The following AJAP1 variants were observed in gnomAD, a reference collection of about 807,000 sequenced individuals.
AJAP1 encodes adherens junctions associated protein 1.
In AJAP1, 5 loss-of-function variants were observed where a neutral mutation model predicts 35.0. That is an observed-to-expected ratio of 0.14 (90% CI 0.07 to 0.30). The LOEUF (loss-of-function observed/expected upper bound fraction) is 0.30. Among genes scored for constraint, AJAP1 ranks in the 10% least tolerant of loss-of-function variants. The pLI is 1.00. For missense variants in AJAP1, 586 were observed against 571.0 expected (o/e 1.03, Z -0.27); for synonymous variants, 284 against 249.3 (o/e 1.14, Z -1.31).
chr1:4,707,877 TCTC>T (rs888414524), intron 1 of AJAP1, among the ~76,000 whole-genome samples: 1 of 151,720 alleles, frequency 6.6e-6, no homozygotes, highest in African/African-American at 2.4e-5. Flanking sequence ...ATACTAGGTC[TCTC>T]ATCTCCTCGT....
rs943912330 is a variant in AJAP1, at chr1:4,785,033, C to G, written c.*2548C>G. The G allele has an allele frequency of 6.6e-6, 1 of 152,378 alleles. No individual in the cohort carries two copies. Among genetic ancestry groups the G allele is most frequent in the South Asian group, 2.1e-4 (1 of 4,820 alleles). 9.4% of individuals were successfully genotyped at this position (152,378 alleles called of 1,614,324 possible). A position where few individuals can be genotyped will look rare whatever the true frequency, so the allele number is the denominator to read the frequency against. The stretch of plus-strand genomic sequence containing the variant: ...GCCCAACTAAGGAGGAGGTGACGGC[C>G]GGGGGGCCCTGTTGGTTCGCTGATC... On this transcript the variant is annotated 3_prime_UTR_variant, in exon 6 of 6. Transcript: ENST00000378191.
At chr1:4,666,219 G>A (rs942553570) in intron 1 of AJAP1, among the ~76,000 whole-genome samples, 16 of 152,112 alleles carry the variant, frequency 1.1e-4, no homozygotes, top group African/African-American at 2.2e-4. Flanking sequence ...GGGGCACCCC[G>A]CAGTGAAATA....
intron 1 of AJAP1, among the ~76,000 whole-genome samples, chr1:4,691,576 G>A (rs913280411): frequency 3.3e-5 from 5 of 152,310 alleles, no homozygotes; most frequent in Admixed American, 3.3e-4. Context: ...AAAAGCCCTG[G>A]TGCTGGAGGA....
chr1:4,699,167 C>T (rs368500604), intron 1 of AJAP1, among the ~76,000 whole-genome samples: 2 of 152,160 alleles, frequency 1.3e-5, no homozygotes, highest in Non-Finnish European at 2.9e-5. Flanking sequence ...TGAGTGGGCC[C>T]GCTGGGAAGC....
intron 1 of AJAP1, among the ~76,000 whole-genome samples, chr1:4,706,430 T>G (rs1442694554): frequency 2.6e-5 from 4 of 152,184 alleles, no homozygotes. Context: ...CCAAGCTAAC[T>G]TCCCCATCAA....
intron 1 of AJAP1, among the ~76,000 whole-genome samples, chr1:4,682,243 G>A (rs1447048069): frequency 2.0e-5 from 3 of 152,152 alleles, no homozygotes; most frequent in African/African-American, 4.8e-5. Context: ...GCCCATCGAT[G>A]GTCTTCATAT....
chr1:4,769,789 C>A, intron 2 of AJAP1, 64 bp from the exon 3 acceptor site: 1 of 1,430,504 alleles, frequency 7.0e-7, no homozygotes, highest in Non-Finnish European at 9.9e-7. Flanking sequence ...CCACCTTTCC[C>A]GGCCCCCCTC....
Position 4,711,999 on chromosome 1 carries a change from C to T in AJAP1, c.129C>T (p.Ala43=). Residue 43 remains alanine (A), a synonymous_variant, in exon 2 of 6, where the codon GCC becomes GCT. Transcript: ENST00000378191. ...QLAVDLPACE[A]LGPGPEFWLL... is the part of the protein sequence containing the mutation. Reference sequence around the variant, plus strand: ...CCGTGGACCTGCCCGCCTGTGAGGCCCTGGGCCCGGGGCCGGAGTTCTGGC... The same window carrying T: ...CCGTGGACCTGCCCGCCTGTGAGGCTCTGGGCCCGGGGCCGGAGTTCTGGC... 1.9e-6 allele frequency: 3 copies of T among 1,595,086 alleles called. No homozygotes were observed. The highest frequency in any genetic ancestry group is 1.7e-6 in the Non-Finnish European group (2 of 1,173,918).
intron 2 of AJAP1, among the ~76,000 whole-genome samples, chr1:4,728,617 C>G (rs1273812562): frequency 1.3e-5 from 2 of 152,200 alleles, no homozygotes; most frequent in Non-Finnish European, 2.9e-5. Flanking sequence ...CCTGAATAAC[C>G]CTGTGCTCCG....
intron 1 of AJAP1, among the ~76,000 whole-genome samples, chr1:4,665,625 C>T (rs1226670499): frequency 6.6e-6 from 1 of 152,212 alleles, no homozygotes; most frequent in Non-Finnish European, 1.5e-5. Flanking sequence ...CGCAAGTGGT[C>T]CCCCGAGAGT....
intron 1 of AJAP1, among the ~76,000 whole-genome samples, chr1:4,689,095 C>T (rs987735478): frequency 6.6e-6 from 1 of 152,090 alleles, no homozygotes; most frequent in African/African-American, 2.4e-5. Flanking sequence ...GGGACCGTAG[C>T]CTGCGGCTTC....
chr1:4,757,469 T>G (rs532670553), intron 2 of AJAP1, among the ~76,000 whole-genome samples: 33 of 152,304 alleles, frequency 2.2e-4, no homozygotes, highest in Middle Eastern at 6.8e-3. Flanking sequence ...GCCAGCCTCA[T>G]GCACCACCTT....
At chr1:4,761,720 C>A (rs761337282) in intron 2 of AJAP1, among the ~76,000 whole-genome samples, 6 of 152,200 alleles carry the variant, frequency 3.9e-5, no homozygotes, top group Admixed American at 6.5e-5. Flanking sequence ...GGAAGCCAGT[C>A]TGAGTCCAAA....
At chr1:4,664,139 CCAGGCCACA>C (rs1639064266) in intron 1 of AJAP1, among the ~76,000 whole-genome samples, 1 of 152,174 alleles carries the variant, frequency 6.6e-6, no homozygotes, top group Admixed American at 6.5e-5. Flanking sequence ...ATGAATTTCC[CCAGGCCACA>C]CAGCAAGTAA....
intron 1 of AJAP1, among the ~76,000 whole-genome samples, chr1:4,675,073 G>T (rs185242093): frequency 4.9e-4 from 74 of 152,176 alleles, no homozygotes; most frequent in African/African-American, 1.5e-3. Context: ...GGAGAGCGGT[G>T]GGGGGGAAAC....
At chr1:4,669,024 C>T (rs940389336) in intron 1 of AJAP1, among the ~76,000 whole-genome samples, 6 of 152,210 alleles carry the variant, frequency 3.9e-5, no homozygotes, top group Non-Finnish European at 8.8e-5. Flanking sequence ...AGGAGTCAGA[C>T]TCAGCCAACA....
chr1:4,674,932 C>T (rs1325422115), intron 1 of AJAP1, among the ~76,000 whole-genome samples: 2 of 152,234 alleles, frequency 1.3e-5, no homozygotes, highest in African/African-American at 2.4e-5. Context: ...CTGCACAGGG[C>T]GTGAGTCACG....
intron 2 of AJAP1, among the ~76,000 whole-genome samples, chr1:4,718,393 T>C (rs10799258): frequency 0.13 from 20,028 of 152,092 alleles, 2,330 homozygotes; most frequent in African/African-American, 0.3. Context: ...TTCATTCCCT[T>C]AGGCCCTCAT....
At chr1:4,705,846 G>A (rs1400519930) in intron 1 of AJAP1, among the ~76,000 whole-genome samples, 1 of 152,050 alleles carries the variant, frequency 6.6e-6, no homozygotes, top group Non-Finnish European at 1.5e-5. Flanking sequence ...ATTCTGGATG[G>A]GTTCCTGGGA....
Sources: allele counts gnomAD v4.1 joint callset (sites outside exome capture counted in the v4.1 genomes callset), GRCh38; gene constraint gnomAD v4.1.1; transcripts MANE v1.5; gene names NCBI Gene and HGNC (gene_info 2026-07-23, HGNC 2026-07-21).